Variants in STXBP6 observed in about 807,000 individuals in gnomAD.
STXBP6 encodes syntaxin-binding protein 6.
A neutral mutation model predicts 26.9 loss-of-function variants in STXBP6; 21 were observed. The ratio of observed to expected loss-of-function variants is 0.78; its 90% confidence interval spans 0.55 to 1.12. STXBP6 has a LOEUF of 1.12. Among genes scored for constraint, STXBP6 ranks in the 50% most tolerant of loss-of-function variants. STXBP6 has a pLI of 0.00. For missense variants in STXBP6, 232 were observed against 257.9 expected, an observed-to-expected ratio of 0.90 and a Z score of 0.69; for synonymous variants, 97 against 92.6, an observed-to-expected ratio of 1.05 and a Z score of -0.27.
At chr14:24,951,228 T>A (rs2073159375) in intron 2 of STXBP6, among the ~76,000 whole-genome samples, 1 of 152,164 alleles carries the variant, frequency 6.6e-6, no homozygotes, top group Non-Finnish European at 1.5e-5. Flanking sequence ...ATAGTAGAAT[T>A]ATTTATAACC....
intron 1 of STXBP6, among the ~76,000 whole-genome samples, chr14:24,997,153 T>A (rs2074625651): frequency 6.6e-6 from 1 of 152,126 alleles, no homozygotes; most frequent in Non-Finnish European, 1.5e-5. Flanking sequence ...ATTTCCTGAC[T>A]CACAGGCCAG....
intron 2 of STXBP6, among the ~76,000 whole-genome samples, chr14:24,945,139 A>ATTTT (rs552562019): frequency 0.013 from 1,266 of 100,620 alleles, 230 homozygotes; most frequent in East Asian, 0.048. Context: ...CCAATTAGGA[A>ATTTT]TTTTTTTTTT....
At chr14:25,002,478 G>C (rs1298766468) in intron 1 of STXBP6, among the ~76,000 whole-genome samples, 1 of 150,214 alleles carries the variant, frequency 6.7e-6, no homozygotes, top group Non-Finnish European at 1.5e-5. Flanking sequence ...TCTTGCCTCA[G>C]CCTCCCAAGT....
At chr14:24,952,687 T>C (rs1488783034) in intron 2 of STXBP6, among the ~76,000 whole-genome samples, 2 of 152,076 alleles carry the variant, frequency 1.3e-5, no homozygotes, top group African/African-American at 4.8e-5. Flanking sequence ...AAGGAAAAAA[T>C]AGCACAGTAG....
chr14:24,879,254 A>G (rs1158562391), intron 2 of STXBP6, among the ~76,000 whole-genome samples: 1 of 152,222 alleles, frequency 6.6e-6, no homozygotes, highest in African/African-American at 2.4e-5. Flanking sequence ...GGTCATTTGT[A>G]TCTCCTCTAC....
Position 24,856,039 on chromosome 14 carries a change from C to T in STXBP6, c.348G>A (p.Ala116=), listed in dbSNP as rs77830914. 2.2e-3 allele frequency: 3,574 copies of T among 1,611,188 alleles called. 7 individuals carry two copies. The highest frequency in any genetic ancestry group is 2.6e-3 in the Non-Finnish European group (3,073 of 1,178,482). Reference sequence around the variant, plus strand: ...TCTGGAAGAAGGTGCATTTTTCTGACGCTGTGCTGGCTACCCACTGGTCAA... The same window carrying T: ...TCTGGAAGAAGGTGCATTTTTCTGATGCTGTGCTGGCTACCCACTGGTCAA... ...NAFDQWVAST[A]SEKCTFFQIL... is the part of the protein sequence containing the mutation. Residue 116 remains alanine (A), a synonymous_variant, in exon 4 of 6, where the codon GCG becomes GCA. Coordinates refer to ENST00000323944, the MANE Select transcript of STXBP6 (RefSeq NM_001394410.1).
chr14:24,959,052 T>C (rs2073437399), intron 2 of STXBP6, among the ~76,000 whole-genome samples: 2 of 152,320 alleles, frequency 1.3e-5, no homozygotes, highest in East Asian at 1.9e-4. Context: ...AAATGGGTGA[T>C]AGTCGTTGAT....
chr14:25,002,359 C>CTTTTTTTTTTTTTTTCTTT lies in STXBP6; in HGVS notation c.-32-27510_-32-27509insAAAGAAAAAAAAAAAAAAA, dbSNP rs1365586543. On this transcript the variant is annotated intron_variant, in intron 1 of 5. Coordinates refer to ENST00000323944, the MANE Select transcript of STXBP6 (RefSeq NM_001394410.1). ...ATCCCATACAGTTAAATTCTTATGA[C>CTTTTTTTTTTTTTTTCTTT]TTTTTTTTTTTTTTTTTTGAGACAC... Among the ~76,000 whole-genome samples the CTTTTTTTTTTTTTTTCTTT allele has an allele frequency of 8.2e-3, 994 of 121,276 alleles. 50 individuals are homozygous for CTTTTTTTTTTTTTTTCTTT. Among genetic ancestry groups the CTTTTTTTTTTTTTTTCTTT allele is most frequent in the African/African-American group, 0.03 (877 of 29,550 alleles). 79.6% of individuals were successfully genotyped at this position (121,276 alleles called of 152,430 possible). A position where few individuals can be genotyped will look rare whatever the true frequency, so the allele number is the denominator to read the frequency against.
chr14:24,850,586 T>G (rs2069118462), intron 4 of STXBP6, among the ~76,000 whole-genome samples: 1 of 152,130 alleles, frequency 6.6e-6, no homozygotes, highest in Non-Finnish European at 1.5e-5. Flanking sequence ...ATCTTGCCCT[T>G]GTCTGTCTGG....
At chr14:24,935,454 A>C (rs1434161618) in intron 2 of STXBP6, among the ~76,000 whole-genome samples, 1 of 152,220 alleles carries the variant, frequency 6.6e-6, no homozygotes, top group Non-Finnish European at 1.5e-5. Flanking sequence ...TCATGTGAAA[A>C]GGCTCAGCAA....
rs543526541 is a variant in STXBP6, at chr14:24,903,176, C to G, written c.155-46019G>C. On this transcript the variant is annotated intron_variant, in intron 2 of 5. Coordinates refer to ENST00000323944, the MANE Select transcript of STXBP6 (RefSeq NM_001394410.1). ...TGCTTGAGGCTTTGCAGTGAAATTT[C>G]TGGATTTGTTAGAGCTCGCATTTTT... Among the ~76,000 whole-genome samples the G allele has an allele frequency of 3.3e-5, 5 of 152,218 alleles. No homozygotes were observed. The South Asian group carries it at 1.0e-3, about 32-fold the overall frequency.
At chr14:24,896,797 C>T (rs747218252) in intron 2 of STXBP6, among the ~76,000 whole-genome samples, 5 of 152,058 alleles carry the variant, frequency 3.3e-5, no homozygotes, top group African/African-American at 4.8e-5. Flanking sequence ...AAAAGGAACA[C>T]AAGAGTTGTC....
At chr14:24,931,923 A>T (rs1259315956) in intron 2 of STXBP6, among the ~76,000 whole-genome samples, 2 of 152,172 alleles carry the variant, frequency 1.3e-5, no homozygotes, top group African/African-American at 4.8e-5. Flanking sequence ...AACAAATGCA[A>T]AAGTCCTAAA....
chr14:24,814,853 G>T (rs1163027029), intron 5 of STXBP6, among the ~76,000 whole-genome samples: 2 of 152,194 alleles, frequency 1.3e-5, no homozygotes, highest in Non-Finnish European at 2.9e-5. Flanking sequence ...GACATGATGA[G>T]GAGGTGCCAT....
intron 2 of STXBP6, among the ~76,000 whole-genome samples, chr14:24,876,867 C>T (rs1411802144): frequency 6.6e-6 from 1 of 152,144 alleles, no homozygotes; most frequent in Non-Finnish European, 1.5e-5. Context: ...TGAATTTTGG[C>T]ACTATAATTT....
intron 2 of STXBP6, among the ~76,000 whole-genome samples, chr14:24,888,654 T>A (rs2070675356): frequency 6.6e-6 from 1 of 150,404 alleles, no homozygotes; most frequent in Non-Finnish European, 1.5e-5. Flanking sequence ...ATCCGGGAGG[T>A]GTAGGCTGCA....
chr14:24,942,370 G>A (rs908720862), intron 2 of STXBP6, among the ~76,000 whole-genome samples: 7 of 152,212 alleles, frequency 4.6e-5, no homozygotes, highest in African/African-American at 1.4e-4. Context: ...ACTTCATCCA[G>A]AGATGGAAAA....
chr14:25,010,995 T>C (rs1315205230), intron 1 of STXBP6, among the ~76,000 whole-genome samples: 1 of 150,928 alleles, frequency 6.6e-6, no homozygotes, highest in Admixed American at 6.6e-5. Context: ...ACAGTCTAAA[T>C]ATAGAAATCT....
chr14:24,973,408 CAG>C (rs1269137026), intron 2 of STXBP6, among the ~76,000 whole-genome samples: 1 of 107,204 alleles, frequency 9.3e-6, no homozygotes, highest in African/African-American at 3.7e-5. Context: ...TTTTTTGAGA[CAG>C]AGTCTCACTC....
Sources: gnomAD v4.1 joint callset for allele counts (sites outside exome capture counted in the v4.1 genomes callset) on GRCh38, gnomAD v4.1.1 for gene constraint, MANE v1.5 for transcripts, NCBI Gene and HGNC (gene_info 2026-07-23, HGNC 2026-07-21) for gene names.